The following ZSWIM6 variants were observed in gnomAD, a reference collection of about 807,000 sequenced individuals.
ZSWIM6 encodes zinc finger SWIM domain-containing protein 6.
In ZSWIM6, 9 loss-of-function variants were observed where a neutral mutation model predicts 113.2. The ratio of observed to expected loss-of-function variants is 0.08; its 90% CI spans 0.05 to 0.14. The LOEUF (loss-of-function observed/expected upper bound fraction) is 0.14. Among genes scored for constraint, ZSWIM6 ranks in the 10% least tolerant of loss-of-function variants. The pLI, the probability that ZSWIM6 is intolerant of heterozygous loss-of-function variation, is 1.00. For synonymous variants in ZSWIM6, 611 were observed against 606.5 expected, an observed-to-expected ratio of 1.01 and a Z score of -0.11; for missense variants, 1,162 against 1,552.2, an observed-to-expected ratio of 0.75 and a Z score of 4.22.
At position 61,466,314 on chromosome 5, in the gene ZSWIM6, C is replaced by T. The variant is rs1747434652; in HGVS notation, c.677-6367C>T. On this transcript the variant is annotated intron_variant, in intron 1 of 13. Transcript: ENST00000252744. Reference sequence around the variant, plus strand: ...AGTGGGTTTAGTTAAGCAATGAATACATTATCATGGGAGCATTAACACTTT... The same window carrying T: ...AGTGGGTTTAGTTAAGCAATGAATATATTATCATGGGAGCATTAACACTTT... 3.9e-5 allele frequency among the ~76,000 whole-genome samples: 6 copies of T among 152,086 alleles called. No individual in the cohort carries two copies. The South Asian group carries it at 1.2e-3, about 32-fold the overall frequency.
chr5:61,446,480 C>T (rs929499631), intron 1 of ZSWIM6, among the ~76,000 whole-genome samples: 20 of 152,258 alleles, frequency 1.3e-4, no homozygotes, highest in African/African-American at 4.8e-4. Context: ...TTTCATTAAA[C>T]CAACAACATT....
chr5:61,382,077 G>A (rs1466992778), intron 1 of ZSWIM6, among the ~76,000 whole-genome samples: 1 of 152,174 alleles, frequency 6.6e-6, no homozygotes, highest in Non-Finnish European at 1.5e-5. Flanking sequence ...GTCCTTTCCA[G>A]ATGAATGCAA....
intron 1 of ZSWIM6, among the ~76,000 whole-genome samples, chr5:61,399,299 C>T (rs989717812): frequency 7.1e-6 from 1 of 141,560 alleles, no homozygotes; most frequent in Non-Finnish European, 1.5e-5. Context: ...TATTTGAAAA[C>T]ACTGAGTTTG....
At chr5:61,443,138 C>T (rs2112149057) in intron 1 of ZSWIM6, among the ~76,000 whole-genome samples, 1 of 152,172 alleles carries the variant, frequency 6.6e-6, no homozygotes, top group East Asian at 1.9e-4. Flanking sequence ...GTCATGAACT[C>T]CCCCAAAGAA....
At chr5:61,339,622 GTTATA>G (rs1744491359) in intron 1 of ZSWIM6, among the ~76,000 whole-genome samples, 1 of 152,080 alleles carries the variant, frequency 6.6e-6, no homozygotes, top group Non-Finnish European at 1.5e-5. Flanking sequence ...GACTTAAACT[GTTATA>G]TTTAAGAGCA....
chr5:61,333,026 G>T (rs1268188706), intron 1 of ZSWIM6, 78 bp downstream of exon 1: 7 of 1,092,330 alleles, frequency 6.4e-6, no homozygotes, highest in Non-Finnish European at 7.9e-6. Flanking sequence ...CCTTTCTCCT[G>T]CGGACAGCCC....
At chr5:61,401,677 A>G (rs1435524945) in intron 1 of ZSWIM6, among the ~76,000 whole-genome samples, 1 of 152,178 alleles carries the variant, frequency 6.6e-6, no homozygotes, top group Non-Finnish European at 1.5e-5. Flanking sequence ...AGGTATCCAG[A>G]TTTGACATGG....
At chr5:61,410,326 T>G (rs901468474) in intron 1 of ZSWIM6, among the ~76,000 whole-genome samples, 1 of 150,896 alleles carries the variant, frequency 6.6e-6, no homozygotes, top group Admixed American at 6.6e-5. Flanking sequence ...TTTTTTTTTT[T>G]TTCAGACGGA....
chr5:61,356,841 A>G (rs1047718258), intron 1 of ZSWIM6, among the ~76,000 whole-genome samples: 1 of 144,830 alleles, frequency 6.9e-6, no homozygotes, highest in Non-Finnish European at 1.5e-5. Context: ...TTTTATATAT[A>G]ATTATGTAAT....
At position 61,505,013 on chromosome 5, in the gene ZSWIM6, G is replaced by A. The variant is rs547075208; in HGVS notation, c.1333+10603G>A. ...GTTTCGGAAAATTTTGGCAATAGATGTAATATGTTTTATGTATTAGAATAA... is the reference window on the plus strand; with the variant it reads ...GTTTCGGAAAATTTTGGCAATAGATATAATATGTTTTATGTATTAGAATAA... On this transcript the variant is annotated intron_variant, in intron 4 of 13. Coordinates refer to ENST00000252744, the MANE Select transcript of ZSWIM6 (RefSeq NM_020928.2). 6.6e-5 allele frequency among the ~76,000 whole-genome samples: 10 copies of A among 152,260 alleles called. No individual in the cohort carries two copies. In the East Asian group the frequency reaches 1.9e-3, roughly 29 times the overall value.
At chr5:61,452,564 A>G (rs1322661053) in intron 1 of ZSWIM6, among the ~76,000 whole-genome samples, 2 of 152,188 alleles carry the variant, frequency 1.3e-5, no homozygotes, top group Non-Finnish European at 2.9e-5. Flanking sequence ...TAACCATATC[A>G]AGATTGTCTC....
At chr5:61,390,706 G>C (rs1169451987) in intron 1 of ZSWIM6, 1 of 826,184 alleles carries the variant, frequency 1.2e-6, no homozygotes, top group Non-Finnish European at 2.1e-6. Flanking sequence ...TCTTTCTTGA[G>C]TGGTGCCATG....
intron 4 of ZSWIM6, among the ~76,000 whole-genome samples, chr5:61,497,661 CT>C (rs1475534193): frequency 1.3e-5 from 2 of 152,254 alleles, no homozygotes; most frequent in East Asian, 3.9e-4. Context: ...ATTAATTTTA[CT>C]TTCTCTACAT....
chr5:61,480,655 A>G (rs1308737388), intron 2 of ZSWIM6, among the ~76,000 whole-genome samples: 1 of 152,234 alleles, frequency 6.6e-6, no homozygotes, highest in Non-Finnish European at 1.5e-5. Flanking sequence ...TTAATTCAGG[A>G]TAAAACTTAA....
chr5:61,479,115 G>A (rs1747789076), intron 2 of ZSWIM6, among the ~76,000 whole-genome samples: 1 of 151,518 alleles, frequency 6.6e-6, no homozygotes, highest in South Asian at 2.1e-4. Flanking sequence ...AGACTGCAGT[G>A]AGCCAAGATC....
At chr5:61,430,276 G>A (rs1275271872) in intron 1 of ZSWIM6, among the ~76,000 whole-genome samples, 2 of 152,156 alleles carry the variant, frequency 1.3e-5, no homozygotes, top group Admixed American at 6.5e-5. Flanking sequence ...TCTAGTGAAG[G>A]TAATCATATC....
intron 1 of ZSWIM6, among the ~76,000 whole-genome samples, chr5:61,354,533 A>T (rs1236281400): frequency 6.6e-6 from 1 of 152,216 alleles, no homozygotes; most frequent in African/African-American, 2.4e-5. Flanking sequence ...TGTAATTATC[A>T]CACTACTCTT....
intron 1 of ZSWIM6, among the ~76,000 whole-genome samples, chr5:61,377,501 G>A (rs1579962497): frequency 1.3e-5 from 2 of 152,000 alleles, no homozygotes; most frequent in Non-Finnish European, 1.5e-5. Context: ...GGCGGATCAC[G>A]AGGTCAGGAG....
At chr5:61,399,719 G>T (rs558730717) in intron 1 of ZSWIM6, among the ~76,000 whole-genome samples, 1 of 152,308 alleles carries the variant, frequency 6.6e-6, no homozygotes, top group Admixed American at 6.5e-5. Context: ...ACTGTAATTG[G>T]TTTCTCCAAT....
Sources: gnomAD v4.1 joint callset for allele counts (sites outside exome capture counted in the v4.1 genomes callset) on GRCh38, gnomAD v4.1.1 for gene constraint, MANE v1.5 for transcripts, NCBI Gene and HGNC (gene_info 2026-07-23, HGNC 2026-07-21) for gene names.